Variants in FARSB observed in about 807,000 individuals in gnomAD.
The protein encoded by FARSB is phenylalanyl-tRNA synthetase subunit beta.
FARSB carries 40 observed loss-of-function variants against 69.6 expected under a neutral mutation model. The ratio of observed to expected loss-of-function variants is 0.57; its 90% confidence interval spans 0.45 to 0.75. The LOEUF (loss-of-function observed/expected upper bound fraction) is 0.75, where lower values mean the gene tolerates loss of function less well. FARSB is among the 30% of genes least tolerant of loss of function. The pLI, the probability that FARSB is intolerant of heterozygous loss-of-function variation, is 0.00. For missense variants in FARSB, 632 were observed against 722.9 expected (o/e 0.87, Z 1.44); for synonymous variants, 235 against 247.2 (o/e 0.95, Z 0.46).
chr2:222,625,583 A>G (rs1179524309), intron 10 of FARSB, among the ~76,000 whole-genome samples: 2 of 152,208 alleles, frequency 1.3e-5, no homozygotes, highest in Non-Finnish European at 2.9e-5. Context: ...CACCAGAGCT[A>G]CTGAAGCCCA....
chr2:222,566,980 T>C lies in FARSB; in HGVS notation c.*4891A>G, dbSNP rs1689646421. On this transcript the variant is annotated 3_prime_UTR_variant, in exon 17 of 17. Coordinates refer to ENST00000281828, the MANE Select transcript of FARSB (RefSeq NM_005687.5). ...CAAGGTGCCAGCAAAATAGGTTTCA[T>C]TCTGATCCCTCTCCTAGCTTGCTGG... 1 of 152,268 alleles carries C rather than the reference T, an allele frequency of 6.6e-6. No homozygotes were observed. 9.4% of individuals were successfully genotyped at this position (152,268 alleles called of 1,614,324 possible).
Position 222,631,687 on chromosome 2 carries a change from C to T in FARSB, c.716-13G>A, listed in dbSNP as rs1049553821. On this transcript the variant is annotated splice_polypyrimidine_tract_variant and intron_variant, in intron 7 of 16. Coordinates refer to ENST00000281828, the MANE Select transcript of FARSB (RefSeq NM_005687.5). Reference sequence around the variant, plus strand: ...CTGGAATGATCCCCTGCAATGAACACAAAACAATAACATTAAAATAACTAA... The same window carrying T: ...CTGGAATGATCCCCTGCAATGAACATAAAACAATAACATTAAAATAACTAA... 7 of 1,415,222 alleles carry T rather than the reference C, an allele frequency of 4.9e-6. No individual in the cohort carries two copies. In the African/African-American group the frequency reaches 8.5e-5, roughly 17 times the overall value. The allele number at this position is 1,415,222 out of a possible 1,614,324, so 87.7% of individuals were successfully genotyped here.
At chr2:222,589,133 C>T (rs1690197035) in intron 16 of FARSB, among the ~76,000 whole-genome samples, 1 of 152,156 alleles carries the variant, frequency 6.6e-6, no homozygotes, top group Non-Finnish European at 1.5e-5. Flanking sequence ...CTACAGTAAC[C>T]AAAACAGCAT....
At chr2:222,625,828 C>T (rs1168517742) in intron 10 of FARSB, among the ~76,000 whole-genome samples, 4 of 152,164 alleles carry the variant, frequency 2.6e-5, no homozygotes, top group Non-Finnish European at 5.9e-5. Context: ...AGCTGAATAA[C>T]TAGTTCCAGG....
chr2:222,593,470 T>C (rs59361083), intron 16 of FARSB, among the ~76,000 whole-genome samples: 6,525 of 152,322 alleles, frequency 0.043, 218 homozygotes, highest in African/African-American at 0.095. Context: ...TTGACTGCCT[T>C]GTGGCTGATC....
At chr2:222,572,400 C>T (rs184260712) in intron 16 of FARSB, among the ~76,000 whole-genome samples, 126 of 152,288 alleles carry the variant, frequency 8.3e-4, no homozygotes, top group Non-Finnish European at 1.5e-3. Context: ...AACTGATGAA[C>T]TTAATGGGAA....
chr2:222,652,580 A>C (rs1330506246), intron 1 of FARSB, among the ~76,000 whole-genome samples: 3 of 152,222 alleles, frequency 2.0e-5, no homozygotes, highest in African/African-American at 7.2e-5. Flanking sequence ...AGTCCTATGG[A>C]GAGGATAAGG....
intron 8 of FARSB, among the ~76,000 whole-genome samples, chr2:222,631,041 T>C (rs911898327): frequency 5.9e-5 from 9 of 152,176 alleles, no homozygotes; most frequent in Admixed American, 4.6e-4. Flanking sequence ...AAGTCATATG[T>C]CATAGAAAAA....
chr2:222,616,680 A>C (rs747830566), intron 14 of FARSB, among the ~76,000 whole-genome samples: 1 of 152,098 alleles, frequency 6.6e-6, no homozygotes, highest in Non-Finnish European at 1.5e-5. Flanking sequence ...TTGTCACTAT[A>C]ATAAAATTTT....
chr2:222,617,818 G>T (rs550036202), intron 14 of FARSB, among the ~76,000 whole-genome samples: 1 of 152,222 alleles, frequency 6.6e-6, no homozygotes, highest in African/African-American at 2.4e-5. Flanking sequence ...AAGAGGCGGA[G>T]GTTGCAGTGA....
Position 222,605,767 on chromosome 2 carries a change from A to G in FARSB, c.1463-5684T>C, listed in dbSNP as rs576402604. Reference sequence around the variant, plus strand: ...ACTCCATCTCTACAATAAATTATTTAAAAAAATGTAAAGATTAGCCAGGCA... The same window carrying G: ...ACTCCATCTCTACAATAAATTATTTGAAAAAATGTAAAGATTAGCCAGGCA... On this transcript the variant is annotated intron_variant, in intron 15 of 16. Transcript: ENST00000281828. 7.9e-5 allele frequency among the ~76,000 whole-genome samples: 12 copies of G among 152,006 alleles called. No individual in the cohort carries two copies. The Middle Eastern group carries it at 0.014, about 172-fold the overall frequency.
intron 16 of FARSB, among the ~76,000 whole-genome samples, chr2:222,586,520 T>C (rs1218712503): frequency 6.6e-6 from 1 of 152,138 alleles, no homozygotes; most frequent in Non-Finnish European, 1.5e-5. Context: ...ATATTAACCT[T>C]AAATGTAAAC....
intron 16 of FARSB, among the ~76,000 whole-genome samples, chr2:222,581,592 A>C (rs1280195169): frequency 6.6e-6 from 1 of 152,226 alleles, no homozygotes. Flanking sequence ...GTGGTTTTTC[A>C]ACAATTTTCT....
chr2:222,640,943 T>C lies in FARSB; in HGVS notation c.270-12A>G, dbSNP rs753419768. On this transcript the variant is annotated splice_polypyrimidine_tract_variant and intron_variant, in intron 3 of 16. Coordinates refer to ENST00000281828, the MANE Select transcript of FARSB (RefSeq NM_005687.5). ...CTGGAGCCTTTATCCTAAAATAATA[T>C]TTAAATGAATTTACTCATAATTAAT... 4 of 1,282,928 alleles carry C rather than the reference T, an allele frequency of 3.1e-6. No homozygotes were observed. The highest frequency in any genetic ancestry group is 2.2e-6 in the Non-Finnish European group (2 of 905,704). 79.5% of individuals were successfully genotyped at this position (1,282,928 alleles called of 1,614,324 possible).
chr2:222,646,740 T>C (rs1691873489), intron 2 of FARSB, among the ~76,000 whole-genome samples: 1 of 152,270 alleles, frequency 6.6e-6, no homozygotes, highest in Non-Finnish European at 1.5e-5. Flanking sequence ...TCTTGCTCAT[T>C]TTGCAGAAAT....
intron 14 of FARSB, among the ~76,000 whole-genome samples, chr2:222,617,089 T>C (rs1574934720): frequency 8.8e-5 from 1 of 11,384 alleles, no homozygotes; most frequent in East Asian, 5.2e-4. Flanking sequence ...CAAGCTCCGC[T>C]TCCCGGGTTC....
chr2:222,613,966 G>T, intron 14 of FARSB, 38 bp from the exon 15 acceptor site: 2 of 1,239,942 alleles, frequency 1.6e-6, no homozygotes, highest in Non-Finnish European at 2.4e-6. Flanking sequence ...GACCAAATAG[G>T]ACCCAAACAA....
At chr2:222,614,136 C>T (rs1205564075) in intron 14 of FARSB, among the ~76,000 whole-genome samples, 1 of 152,012 alleles carries the variant, frequency 6.6e-6, no homozygotes. Flanking sequence ...TTCTGGCTTC[C>T]AAATTTACAA....
rs556553694 is a variant in FARSB at position 222,637,137 on chromosome 2, G to A, written c.455+2443C>T. Among the ~76,000 whole-genome samples, 86 of 152,200 alleles carry A rather than the reference G, an allele frequency of 5.7e-4. No individual in the cohort carries two copies. The South Asian group carries it at 7.3e-3, about 13-fold the overall frequency. The stretch of plus-strand genomic sequence containing the variant: ...TCACTAGGCACTTCAAGCCAAGACA[G>A]AATAACACACTAGATTTACTCTTGC... On this transcript the variant is annotated intron_variant, in intron 5 of 16. Coordinates refer to ENST00000281828, the MANE Select transcript of FARSB (RefSeq NM_005687.5).
Sources: allele counts gnomAD v4.1 joint callset (sites outside exome capture counted in the v4.1 genomes callset), GRCh38; gene constraint gnomAD v4.1.1; transcripts MANE v1.5; gene names NCBI Gene and HGNC (gene_info 2026-07-23, HGNC 2026-07-21).